SYN3: variants seen among roughly 807,000 people sequenced by gnomAD.
SYN3 encodes the protein synapsin-3.
Under a neutral mutation model 65.8 loss-of-function variants are expected in SYN3, and 35 were observed. That is an observed-to-expected ratio of 0.53 (90% CI 0.41 to 0.70). SYN3 has a LOEUF of 0.70. Among genes scored for constraint, SYN3 ranks in the 30% least tolerant of loss-of-function variants. The pLI, the probability that SYN3 is intolerant of heterozygous loss-of-function variation, is 0.00. For missense variants in SYN3, 680 were observed against 749.0 expected, an observed-to-expected ratio of 0.91 and a Z score of 1.08; for synonymous variants, 270 against 292.9, an observed-to-expected ratio of 0.92 and a Z score of 0.80.
chr22:32,549,208 T>C (rs1162875743), intron 7 of SYN3, among the ~76,000 whole-genome samples: 1 of 151,738 alleles, frequency 6.6e-6, no homozygotes, highest in African/African-American at 2.4e-5. Context: ...TACATACTGC[T>C]ATGGCGTGAA....
intron 6 of SYN3, among the ~76,000 whole-genome samples, chr22:32,718,875 C>T (rs916954718): frequency 3.3e-5 from 5 of 152,200 alleles, no homozygotes; most frequent in Admixed American, 1.3e-4. Context: ...TAATATTATA[C>T]TCTCCTGTCC....
At chr22:32,556,271 G>T (rs1304725428) in intron 7 of SYN3, among the ~76,000 whole-genome samples, 1 of 152,124 alleles carries the variant, frequency 6.6e-6, no homozygotes, top group Non-Finnish European at 1.5e-5. Context: ...ACTTACTAAT[G>T]GGATGTATGT....
chr22:32,569,571 C>CTCTCTATA (rs1205661126), intron 7 of SYN3, among the ~76,000 whole-genome samples: 3 of 90,930 alleles, frequency 3.3e-5, no homozygotes, highest in Non-Finnish European at 4.5e-5. Flanking sequence ...CTCTCTCTCT[C>CTCTCTATA]TATATATATA....
At chr22:32,780,193 C>T (rs929322508) in intron 6 of SYN3, among the ~76,000 whole-genome samples, 1 of 152,134 alleles carries the variant, frequency 6.6e-6, no homozygotes, top group African/African-American at 2.4e-5. Context: ...AAGGAAGCAG[C>T]TGCCAGCTCA....
intron 6 of SYN3, among the ~76,000 whole-genome samples, chr22:32,634,638 G>A (rs1377749074): frequency 6.6e-6 from 1 of 152,200 alleles, no homozygotes; most frequent in African/African-American, 2.4e-5. Context: ...TTTTGTTCAC[G>A]CTGTTCCCCT....
chr22:33,006,409 G>T lies in SYN3; in HGVS notation c.254C>A (p.Thr85Lys). 1.2e-6 allele frequency: 2 copies of T among 1,614,196 alleles called. No homozygotes were observed. Among genetic ancestry groups the T allele is most frequent in the Non-Finnish European group, 8.5e-7 (1 of 1,180,028 alleles). Residue 85 changes from threonine (T) to lysine (K), a missense_variant, in exon 2 of 14, where the codon ACG (threonine) becomes AAG (lysine). Thr to Lys is a moderately conservative substitution (Grantham distance 78). Transcript: ENST00000358763. ...SGLMEPPGPS[T>K]PIVQRPRILL... ...GATCCTGGGTCTTTGAACAATGGGC[G>T]TGGAGGGACCTGGAGGCTCCATCAG...
chr22:32,936,820 T>G (rs1360086091), intron 3 of SYN3, among the ~76,000 whole-genome samples: 1 of 152,220 alleles, frequency 6.6e-6, no homozygotes, highest in African/African-American at 2.4e-5. Context: ...AAAGTCCCAT[T>G]TCTCAGAAAC....
chr22:33,045,077 A>G (rs1049875053), intron 1 of SYN3, among the ~76,000 whole-genome samples: 1 of 152,180 alleles, frequency 6.6e-6, no homozygotes, highest in African/African-American at 2.4e-5. Context: ...TCCCAACCTC[A>G]GGTGATCTGC....
intron 7 of SYN3, among the ~76,000 whole-genome samples, chr22:32,557,161 G>A (rs751386774): frequency 3.9e-5 from 6 of 152,068 alleles, no homozygotes; most frequent in African/African-American, 7.2e-5. Context: ...TTGCTCAAAC[G>A]GTGTATTAAA....
At chr22:32,642,313 G>A (rs2059912775) in intron 6 of SYN3, among the ~76,000 whole-genome samples, 1 of 151,604 alleles carries the variant, frequency 6.6e-6, no homozygotes, top group Non-Finnish European at 1.5e-5. Context: ...TAATAAAGAA[G>A]TTTCTGGTTA....
intron 6 of SYN3, among the ~76,000 whole-genome samples, chr22:32,609,078 A>G (rs891751018): frequency 1.3e-5 from 2 of 152,094 alleles, no homozygotes; most frequent in Non-Finnish European, 2.9e-5. Flanking sequence ...TAATCCCAGC[A>G]CTTTGGGAGG....
intron 6 of SYN3, among the ~76,000 whole-genome samples, chr22:32,710,707 G>A (rs1052925926): frequency 3.3e-5 from 5 of 151,138 alleles, no homozygotes; most frequent in Non-Finnish European, 5.9e-5. Flanking sequence ...TTCTGCTCTG[G>A]CCATGTGAGA....
intron 6 of SYN3, among the ~76,000 whole-genome samples, chr22:32,799,143 A>G (rs1312614904): frequency 1.3e-5 from 2 of 151,700 alleles, no homozygotes; most frequent in Non-Finnish European, 1.5e-5. Flanking sequence ...TAGCAGGAGG[A>G]CTCCCCTACG....
chr22:32,592,947 A>G (rs1245315031), intron 7 of SYN3, among the ~76,000 whole-genome samples: 2 of 152,180 alleles, frequency 1.3e-5, no homozygotes, highest in South Asian at 2.1e-4. Context: ...AATTGCATCC[A>G]TGGGGGCCTG....
In SYN3 at chr22:33,058,331, G is replaced by C. The variant is rs1387398019; in HGVS notation, c.-202C>G. 2.0e-5 allele frequency: 3 copies of C among 149,468 alleles called. No individual in the cohort carries two copies. The highest frequency in any genetic ancestry group is 3.0e-5 in the Non-Finnish European group (2 of 67,236). 9.3% of individuals were successfully genotyped at this position (149,468 alleles called of 1,614,324 possible). A position where few individuals can be genotyped will look rare whatever the true frequency, so the allele number is the denominator to read the frequency against. On this transcript the variant is annotated 5_prime_UTR_variant, in exon 1 of 14. Coordinates refer to ENST00000358763, the MANE Select transcript of SYN3 (RefSeq NM_003490.4). ...GGAACTCGGCGCCCGGTGGTGCCTC[G>C]GCGCGGCGCCCGCCAGTCGATCCGC...
chr22:32,756,069 G>C lies in SYN3; in HGVS notation c.711+108846C>G, dbSNP rs12159005. The stretch of plus-strand genomic sequence containing the variant: ...AGGAACATCACACACCGGGGCCTGT[G>C]GGGGTTGGGGGGCTTGGGGAGGGAT... On this transcript the variant is annotated intron_variant, in intron 6 of 13. Transcript: ENST00000358763. 8.9e-4 allele frequency among the ~76,000 whole-genome samples: 135 copies of C among 152,130 alleles called. 1 individual carries two copies. Among genetic ancestry groups the C allele is most frequent in the African/African-American group, 3.0e-3 (123 of 41,484 alleles).
chr22:32,901,807 G>A (rs2049767675), intron 4 of SYN3, among the ~76,000 whole-genome samples: 1 of 152,242 alleles, frequency 6.6e-6, no homozygotes, highest in Admixed American at 6.5e-5. Flanking sequence ...AGCTGCAGAT[G>A]CTGCATTTGG....
intron 3 of SYN3, among the ~76,000 whole-genome samples, chr22:32,963,507 TATGG>T (rs919534443): frequency 6.6e-6 from 1 of 152,014 alleles, no homozygotes; most frequent in African/African-American, 2.4e-5. Flanking sequence ...AGCATAAGTA[TATGG>T]ATGGATGGAT....
At chr22:32,552,645 A>T (rs887130400) in intron 7 of SYN3, among the ~76,000 whole-genome samples, 1 of 152,140 alleles carries the variant, frequency 6.6e-6, no homozygotes, top group Admixed American at 6.5e-5. Flanking sequence ...CTGTTGAAGA[A>T]AAGAAACTTT....
Sources: allele counts gnomAD v4.1 joint callset (sites outside exome capture counted in the v4.1 genomes callset), GRCh38; gene constraint gnomAD v4.1.1; transcripts MANE v1.5; gene names NCBI Gene and HGNC (gene_info 2026-07-23, HGNC 2026-07-21).